Variants in PTGER3 observed in about 807,000 individuals in gnomAD.
PTGER3 encodes prostaglandin E receptor 3.
A neutral mutation model predicts 34.7 loss-of-function variants in PTGER3; 22 were observed. The ratio of observed to expected loss-of-function variants is 0.63; its 90% CI spans 0.45 to 0.91. The LOEUF is 0.91. PTGER3 is among the 40% of genes least tolerant of loss of function. The pLI, the probability that PTGER3 is intolerant of heterozygous loss-of-function variation, is 0.00. For synonymous variants in PTGER3, 241 were observed against 230.1 expected (o/e 1.05, Z -0.43); for missense variants, 468 against 519.4 (o/e 0.90, Z 0.96).
intron 1 of PTGER3, among the ~76,000 whole-genome samples, chr1:71,042,500 A>G (rs1430477386): frequency 6.6e-6 from 1 of 151,944 alleles, no homozygotes; most frequent in African/African-American, 2.4e-5. Context: ...CAGTTTTATA[A>G]TCATAGAATA....
At chr1:70,910,754 GA>G (rs1289671460) in intron 4 of PTGER3, among the ~76,000 whole-genome samples, 1 of 152,134 alleles carries the variant, frequency 6.6e-6, no homozygotes, top group Non-Finnish European at 1.5e-5. Context: ...GCATTGGTTA[GA>G]AAAAATGTCA....
At chr1:70,854,626 C>A (rs902951441) in intron 4 of PTGER3, among the ~76,000 whole-genome samples, 2 of 152,156 alleles carry the variant, frequency 1.3e-5, no homozygotes, top group African/African-American at 4.8e-5. Context: ...TATCCTGCTG[C>A]ACCATGGTAA....
chr1:70,989,464 T>G (rs922382937), intron 2 of PTGER3, among the ~76,000 whole-genome samples: 6 of 152,096 alleles, frequency 3.9e-5, no homozygotes, highest in African/African-American at 1.4e-4. Flanking sequence ...TTCTCTACCT[T>G]CTCACTTTCA....
chr1:70,984,721 T>G (rs1654741934), intron 2 of PTGER3, among the ~76,000 whole-genome samples: 1 of 152,056 alleles, frequency 6.6e-6, no homozygotes, highest in Non-Finnish European at 1.5e-5. Flanking sequence ...AGTGAGACCC[T>G]GTCTCTAGAA....
intron 2 of PTGER3, among the ~76,000 whole-genome samples, chr1:70,998,526 C>T (rs1248341442): frequency 6.6e-6 from 1 of 152,124 alleles, no homozygotes; most frequent in Non-Finnish European, 1.5e-5. Flanking sequence ...CTAAATAAAT[C>T]AACAAATCAT....
chr1:70,958,640 C>T (rs1347989699), intron 2 of PTGER3, among the ~76,000 whole-genome samples: 7 of 152,108 alleles, frequency 4.6e-5, no homozygotes, highest in Non-Finnish European at 8.8e-5. Context: ...CTTTTCACTT[C>T]ATTGATCATT....
At chr1:71,033,774 A>G (rs986638279) in intron 1 of PTGER3, among the ~76,000 whole-genome samples, 1 of 152,162 alleles carries the variant, frequency 6.6e-6, no homozygotes, top group Non-Finnish European at 1.5e-5. Flanking sequence ...CTTGAGGACA[A>G]GGGTCACGTC....
intron 4 of PTGER3, among the ~76,000 whole-genome samples, chr1:70,910,578 A>C (rs1030201918): frequency 6.6e-6 from 1 of 152,146 alleles, no homozygotes; most frequent in Admixed American, 6.6e-5. Context: ...GTAGCTTTGA[A>C]TGAATACCTT....
chr1:70,955,957 T>C (rs1651282030), intron 2 of PTGER3, among the ~76,000 whole-genome samples: 1 of 152,168 alleles, frequency 6.6e-6, no homozygotes, highest in Non-Finnish European at 1.5e-5. Context: ...GGATTGATCT[T>C]AACTGGACTT....
chr1:70,963,069 T>C (rs904448461), intron 2 of PTGER3, among the ~76,000 whole-genome samples: 1 of 152,200 alleles, frequency 6.6e-6, no homozygotes, highest in Non-Finnish European at 1.5e-5. Context: ...CACCCAATTA[T>C]GAATTTCAGT....
At chr1:71,011,998 C>CA in intron 2 of PTGER3, 1 of 1,364,842 alleles carries the variant, frequency 7.3e-7, no homozygotes, top group Non-Finnish European at 9.4e-7. Context: ...GCAGACTCAA[C>CA]AAAAACACTA....
chr1:70,885,756 G>T (rs1646484666), intron 4 of PTGER3, among the ~76,000 whole-genome samples: 1 of 151,982 alleles, frequency 6.6e-6, no homozygotes, highest in South Asian at 2.1e-4. Flanking sequence ...GAAAATAAAA[G>T]AATAAAGATA....
At chr1:71,043,783 T>C (rs773812420) in intron 1 of PTGER3, among the ~76,000 whole-genome samples, 1 of 152,040 alleles carries the variant, frequency 6.6e-6, no homozygotes, top group Non-Finnish European at 1.5e-5. Flanking sequence ...CTTTGTACAG[T>C]AAATCTTTTT....
intron 4 of PTGER3, among the ~76,000 whole-genome samples, chr1:70,885,901 C>A (rs1047683931): frequency 6.6e-6 from 1 of 152,092 alleles, no homozygotes; most frequent in African/African-American, 2.4e-5. Context: ...TCTTGCTGAA[C>A]CTGATAGAAA....
intron 1 of PTGER3, among the ~76,000 whole-genome samples, chr1:71,028,610 C>T (rs1488522965): frequency 6.6e-6 from 1 of 152,104 alleles, no homozygotes; most frequent in Non-Finnish European, 1.5e-5. Flanking sequence ...CGAAATTCCT[C>T]ATGTTTAATT....
intron 3 of PTGER3, among the ~76,000 whole-genome samples, chr1:70,972,430 TTTAA>T (rs1357943548): frequency 1.3e-5 from 2 of 152,146 alleles, no homozygotes; most frequent in African/African-American, 4.8e-5. Context: ...TTGATGAAAT[TTTAA>T]ATCTAATTAT....
intron 4 of PTGER3, among the ~76,000 whole-genome samples, chr1:70,945,508 T>C (rs138156774): frequency 2.4e-4 from 37 of 152,264 alleles, no homozygotes; most frequent in African/African-American, 7.9e-4. Context: ...GGATAACAGA[T>C]CTTATACAAC....
intron 4 of PTGER3, among the ~76,000 whole-genome samples, chr1:70,918,522 C>T (rs1323699144): frequency 1.3e-5 from 2 of 152,026 alleles, no homozygotes; most frequent in African/African-American, 4.8e-5. Context: ...CAAGAATCTA[C>T]CTTTTCTCTA....
intron 4 of PTGER3, among the ~76,000 whole-genome samples, chr1:70,892,299 T>C (rs1368694616): frequency 6.6e-6 from 1 of 152,242 alleles, no homozygotes; most frequent in Admixed American, 6.5e-5. Context: ...CACATGTTCC[T>C]TCTAAGGTTT....
Sources: gnomAD v4.1 joint callset for allele counts (sites outside exome capture counted in the v4.1 genomes callset) on GRCh38, gnomAD v4.1.1 for gene constraint, MANE v1.5 for transcripts, NCBI Gene and HGNC (gene_info 2026-07-23, HGNC 2026-07-21) for gene names.